KITLG: variants seen among roughly 807,000 people sequenced by gnomAD.
The protein encoded by KITLG is c-Kit ligand.
Under a neutral mutation model 34.1 loss-of-function variants are expected in KITLG, and 13 were observed. That is an observed-to-expected ratio of 0.38 (90% CI 0.25 to 0.61). The LOEUF (loss-of-function observed/expected upper bound fraction) is 0.61, where lower values mean the gene tolerates loss of function less well. KITLG is among the 20% of genes least tolerant of loss of function. KITLG has a pLI of 0.60. For missense variants in KITLG, 292 were observed against 318.9 expected (o/e 0.92, Z 0.64); for synonymous variants, 110 against 104.0 (o/e 1.06, Z -0.35).
At chr12:88,541,451 T>C (rs1870515491) in intron 2 of KITLG, among the ~76,000 whole-genome samples, 1 of 152,140 alleles carries the variant, frequency 6.6e-6, no homozygotes, top group Non-Finnish European at 1.5e-5. Flanking sequence ...TTGCCTCAAA[T>C]GAAGAAACAA....
chr12:88,495,502 T>G lies in KITLG; in HGVS notation c.*1717A>C, dbSNP rs1566015526. 1 of 152,446 alleles carries G rather than the reference T, an allele frequency of 6.6e-6. No homozygotes were observed. Among genetic ancestry groups the G allele is most frequent in the Non-Finnish European group, 1.5e-5 (1 of 67,988 alleles). 9.4% of individuals were successfully genotyped at this position (152,446 alleles called of 1,614,324 possible). ...GCACCTGGGTTATATCTTAGAGAAATTACTCATATTTAAGGAACCACAGCA... is the reference window on the plus strand; with the variant it reads ...GCACCTGGGTTATATCTTAGAGAAAGTACTCATATTTAAGGAACCACAGCA... On this transcript the variant is annotated 3_prime_UTR_variant, in exon 10 of 10. Coordinates refer to ENST00000644744, the MANE Select transcript of KITLG (RefSeq NM_000899.5).
intron 9 of KITLG, among the ~76,000 whole-genome samples, chr12:88,503,437 T>C (rs755092702): frequency 2.0e-5 from 3 of 152,058 alleles, no homozygotes; most frequent in Non-Finnish European, 4.4e-5. Context: ...GAGTAAATAA[T>C]CCTTTGACAA....
chr12:88,572,619 AATT>A (rs1358037140), intron 1 of KITLG, among the ~76,000 whole-genome samples: 1 of 145,734 alleles, frequency 6.9e-6, no homozygotes, highest in Non-Finnish European at 1.5e-5. Flanking sequence ...ATATATATAT[AATT>A]TGTTACAAAG....
chr12:88,503,360 C>G (rs1281764227), intron 9 of KITLG, among the ~76,000 whole-genome samples: 1 of 152,034 alleles, frequency 6.6e-6, no homozygotes, highest in Non-Finnish European at 1.5e-5. Context: ...GGAGTTAAAG[C>G]TGGAAGGGCA....
chr12:88,507,077 G>A lies in KITLG; in HGVS notation c.665C>T (p.Ala222Val). The A allele has an allele frequency of 6.2e-7, 1 of 1,613,698 alleles. No individual in the cohort carries two copies. The highest frequency in any genetic ancestry group is 1.7e-5 in the Admixed American group (1 of 60,022). ...AAAGCCAATTATAAGAGAAAACAATGCTGGCAATGCCATGGCTGCCCAGTG... is the reference window on the plus strand; with the variant it reads ...AAAGCCAATTATAAGAGAAAACAATACTGGCAATGCCATGGCTGCCCAGTG... Reference protein sequence around the residue: ...SLHWAAMALPALFSLIIGFAF... With the variant: ...SLHWAAMALPVLFSLIIGFAF... The change falls in exon 7 of 10, where the codon GCA becomes GTA. Residue 222 changes from alanine to valine, a missense_variant. Transcript: ENST00000644744.
chr12:88,521,238 A>G (rs1224778247), intron 3 of KITLG, among the ~76,000 whole-genome samples: 2 of 152,164 alleles, frequency 1.3e-5, no homozygotes, highest in Non-Finnish European at 2.9e-5. Flanking sequence ...ATAATATTAA[A>G]TGTCAGTCAG....
intron 1 of KITLG, among the ~76,000 whole-genome samples, chr12:88,566,904 T>C (rs1871460159): frequency 6.6e-6 from 1 of 152,326 alleles, no homozygotes; most frequent in South Asian, 2.1e-4. Flanking sequence ...GAAAGCTGCA[T>C]AGCAATACAG....
At chr12:88,528,673 C>T (rs1034869527) in intron 3 of KITLG, among the ~76,000 whole-genome samples, 2 of 152,114 alleles carry the variant, frequency 1.3e-5, no homozygotes, top group Non-Finnish European at 2.9e-5. Context: ...ATGTATGCAT[C>T]AGTATACAAC....
At chr12:88,548,973 T>TTGA (rs1870807081) in intron 1 of KITLG, among the ~76,000 whole-genome samples, 1 of 152,174 alleles carries the variant, frequency 6.6e-6, no homozygotes, top group Non-Finnish European at 1.5e-5. Flanking sequence ...CAGGGTAATA[T>TTGA]TGATAAGTGT....
intron 1 of KITLG, among the ~76,000 whole-genome samples, chr12:88,563,534 A>G (rs1871355687): frequency 6.6e-6 from 1 of 152,112 alleles, no homozygotes; most frequent in African/African-American, 2.4e-5. Context: ...GCATCATCAC[A>G]TTTTCATGCT....
rs1288334752 is a variant in KITLG at position 88,516,232 on chromosome 12, C to G, written c.520+102G>C. On this transcript the variant is annotated intron_variant, in intron 5 of 9. Coordinates refer to ENST00000644744, the MANE Select transcript of KITLG (RefSeq NM_000899.5). ...TCTGCTTTTTTATTAGACGTACATG[C>G]ATGTATCTTGCTACAGCTTAACACA... 4 of 932,978 alleles carry G rather than the reference C, an allele frequency of 4.3e-6. No homozygotes were observed. The East Asian group carries it at 9.7e-5, about 23-fold the overall frequency. 57.8% of individuals were successfully genotyped at this position (932,978 alleles called of 1,614,324 possible).
At chr12:88,540,068 T>C (rs1274048593) in intron 2 of KITLG, among the ~76,000 whole-genome samples, 1 of 152,142 alleles carries the variant, frequency 6.6e-6, no homozygotes, top group Non-Finnish European at 1.5e-5. Context: ...TAATACCTCA[T>C]GATGATGACA....
In KITLG at chr12:88,494,687, G is replaced by A. The variant is rs569849927; in HGVS notation, c.*2532C>T. Reference sequence around the variant, plus strand: ...AATAGACCTGGTTTCTACCAAAGAGGTGCAAAGCTTTCAGTATCATTGAGA... The same window carrying A: ...AATAGACCTGGTTTCTACCAAAGAGATGCAAAGCTTTCAGTATCATTGAGA... On this transcript the variant is annotated 3_prime_UTR_variant, in exon 10 of 10. Coordinates refer to ENST00000644744, the MANE Select transcript of KITLG (RefSeq NM_000899.5). 3.3e-5 allele frequency: 5 copies of A among 152,388 alleles called. No individual in the cohort carries two copies. The highest frequency in any genetic ancestry group is 2.6e-4 in the Admixed American group (4 of 15,222). 9.4% of individuals were successfully genotyped at this position (152,388 alleles called of 1,614,324 possible).
rs1166559290 is a variant in KITLG, at chr12:88,570,693, A to G, written c.15+9571T>C. On this transcript the variant is annotated intron_variant, in intron 1 of 9. Transcript: ENST00000644744. ...AAACTCTTCCACTTGCACTTTTTAA[A>G]TTCTCATTTTGGGCAAGTTTTCTTA... Among the ~76,000 whole-genome samples, 5 of 152,096 alleles carry G rather than the reference A, an allele frequency of 3.3e-5. No individual in the cohort carries two copies. In the East Asian group the frequency reaches 9.6e-4, roughly 29 times the overall value.
intron 4 of KITLG, among the ~76,000 whole-genome samples, chr12:88,516,840 G>GAA (rs201320418): frequency 2.3e-3 from 198 of 86,232 alleles, no homozygotes; most frequent in African/African-American, 6.3e-3. Context: ...CCAGTCTTTA[G>GAA]AAAAAAAAAA....
Position 88,580,412 on chromosome 12 carries a change from T to G in KITLG, c.-134A>C. 9.7e-7 allele frequency: 1 copy of G among 1,035,790 alleles called. No homozygotes were observed. The highest frequency in any genetic ancestry group is 1.5e-6 in the Non-Finnish European group (1 of 677,464). The allele number at this position is 1,035,790 out of a possible 1,614,324, so 64.2% of individuals were successfully genotyped here. A position where few individuals can be genotyped will look rare whatever the true frequency, so the allele number is the denominator to read the frequency against. On this transcript the variant is annotated 5_prime_UTR_variant, in exon 1 of 10. Transcript: ENST00000644744. ...ATTGGGTAGCCCGAGCGCAGCGCCC[T>G]CTCCACTGTCCCTGCTTCCCGCAGC... is the stretch of plus-strand genomic sequence containing the variant.
chr12:88,546,856 T>G (rs1258006579), intron 1 of KITLG, among the ~76,000 whole-genome samples: 1 of 152,060 alleles, frequency 6.6e-6, no homozygotes, highest in Non-Finnish European at 1.5e-5. Flanking sequence ...TAAATAACAC[T>G]CACATCTTGT....
At chr12:88,574,475 C>T (rs770009657) in intron 1 of KITLG, among the ~76,000 whole-genome samples, 88 of 152,216 alleles carry the variant, frequency 5.8e-4, no homozygotes, top group Non-Finnish European at 9.7e-4. Flanking sequence ...GAGGCTCCCT[C>T]CTCTTTCCAC....
intron 1 of KITLG, among the ~76,000 whole-genome samples, chr12:88,562,889 C>T (rs543294812): frequency 1.6e-4 from 24 of 152,288 alleles, no homozygotes; most frequent in African/African-American, 5.8e-4. Context: ...AGCTCCCTTT[C>T]TGAAGAAACT....
Sources: allele counts gnomAD v4.1 joint callset (sites outside exome capture counted in the v4.1 genomes callset), GRCh38; gene constraint gnomAD v4.1.1; transcripts MANE v1.5; gene names NCBI Gene and HGNC (gene_info 2026-07-23, HGNC 2026-07-21).